Variants in OLA1 observed in about 807,000 individuals in gnomAD.
OLA1 encodes Obg like ATPase 1.
A neutral mutation model predicts 48.4 loss-of-function variants in OLA1; 14 were observed. That is an observed-to-expected ratio of 0.29 (90% CI 0.19 to 0.45). The LOEUF (loss-of-function observed/expected upper bound fraction) is 0.45. OLA1 is among the 20% of genes least tolerant of loss of function. The pLI is 1.00. For missense variants in OLA1, 325 were observed against 467.1 expected, an observed-to-expected ratio of 0.70 and a Z score of 2.80; for synonymous variants, 127 against 150.4, an observed-to-expected ratio of 0.84 and a Z score of 1.14.
chr2:174,126,671 G>A (rs1412337007), intron 5 of OLA1, among the ~76,000 whole-genome samples: 1 of 152,164 alleles, frequency 6.6e-6, no homozygotes, highest in Non-Finnish European at 1.5e-5. Flanking sequence ...CTCCTAGGGA[G>A]TGTTGTGAAG....
At chr2:174,182,014 G>A (rs941066226) in intron 4 of OLA1, among the ~76,000 whole-genome samples, 1 of 152,144 alleles carries the variant, frequency 6.6e-6, no homozygotes, top group Non-Finnish European at 1.5e-5. Context: ...GGAAAAGAGG[G>A]AGGTAATTCT....
At chr2:174,170,378 A>G (rs1292453397) in intron 4 of OLA1, among the ~76,000 whole-genome samples, 2 of 152,274 alleles carry the variant, frequency 1.3e-5, no homozygotes, top group African/African-American at 2.4e-5. Flanking sequence ...GGAATCCAAG[A>G]TGAATATTAA....
intron 4 of OLA1, among the ~76,000 whole-genome samples, chr2:174,220,130 T>C (rs1688466637): frequency 6.6e-6 from 1 of 152,162 alleles, no homozygotes; most frequent in Admixed American, 6.5e-5. Context: ...AGACTCCATC[T>C]CAAATAAATA....
At chr2:174,226,163 C>T (rs960971501) in intron 3 of OLA1, among the ~76,000 whole-genome samples, 3 of 37,676 alleles carry the variant, frequency 8.0e-5, no homozygotes, top group Non-Finnish European at 1.6e-4. Flanking sequence ...CCCGCCACTG[C>T]ACTCCAGCCT....
chr2:174,113,350 G>C (rs1685700730), intron 7 of OLA1, among the ~76,000 whole-genome samples: 1 of 152,082 alleles, frequency 6.6e-6, no homozygotes, highest in Admixed American at 6.5e-5. Context: ...GTATGTTTTT[G>C]GGGGGTTTAT....
intron 3 of OLA1, among the ~76,000 whole-genome samples, chr2:174,225,719 T>C (rs1221165279): frequency 1.3e-5 from 2 of 152,176 alleles, no homozygotes; most frequent in African/African-American, 4.8e-5. Context: ...GTACAGTAAG[T>C]AGCATGCATT....
chr2:174,075,253 TG>T lies in OLA1; in HGVS notation c.*172del, dbSNP rs58281097. On this transcript the variant is annotated 3_prime_UTR_variant, in exon 11 of 11. Transcript: ENST00000284719. ...TCACATTTAGTGAACCTGCATTTCATGGGGGGGGGGGGGTACACAGTATTTT... is the reference window on the plus strand; with the variant it reads ...TCACATTTAGTGAACCTGCATTTCATGGGGGGGGGGGGTACACAGTATTTT... The T allele has an allele frequency of 0.12, 37,419 of 307,044 alleles. 230 individuals are homozygous for T. The highest frequency in any genetic ancestry group is 0.14 in the African/African-American group (3,259 of 23,644). 19.0% of individuals were successfully genotyped at this position (307,044 alleles called of 1,614,324 possible).
intron 4 of OLA1, among the ~76,000 whole-genome samples, chr2:174,180,469 G>A (rs140748907): frequency 2.7e-4 from 41 of 152,310 alleles, no homozygotes; most frequent in African/African-American, 8.7e-4. Flanking sequence ...TAGCAAAAGT[G>A]TAGTTACCAC....
intron 7 of OLA1, among the ~76,000 whole-genome samples, chr2:174,120,024 A>G (rs1334997088): frequency 1.3e-5 from 2 of 151,992 alleles, no homozygotes; most frequent in Non-Finnish European, 2.9e-5. Flanking sequence ...GTTGAACATA[A>G]ATATGTAGTA....
At chr2:174,192,180 A>T (rs547420521) in intron 4 of OLA1, among the ~76,000 whole-genome samples, 4 of 152,288 alleles carry the variant, frequency 2.6e-5, no homozygotes, top group African/African-American at 9.6e-5. Context: ...ATTTTTCATT[A>T]ATCTGAGTCC....
At chr2:174,110,733 C>A (rs1022230748) in intron 7 of OLA1, among the ~76,000 whole-genome samples, 4 of 152,120 alleles carry the variant, frequency 2.6e-5, no homozygotes, top group Non-Finnish European at 5.9e-5. Flanking sequence ...AGGCGCATGC[C>A]ACTGTGTCTG....
chr2:174,230,869 G>A (rs1688713551), intron 2 of OLA1, among the ~76,000 whole-genome samples: 1 of 152,192 alleles, frequency 6.6e-6, no homozygotes, highest in African/African-American at 2.4e-5. Context: ...TCTGTTTGAA[G>A]GGTCTGGGAT....
chr2:174,081,441 T>G (rs1464823945), intron 8 of OLA1, among the ~76,000 whole-genome samples, 193 bp from the exon 9 acceptor site: 2 of 152,148 alleles, frequency 1.3e-5, no homozygotes, highest in East Asian at 3.8e-4. Context: ...AAAATTGGTT[T>G]TAATTGTATT....
rs571500193 is a variant in OLA1 at position 174,133,349 on chromosome 2, T to G, written c.549+8476A>C. Among the ~76,000 whole-genome samples the G allele has an allele frequency of 2.0e-5, 3 of 152,258 alleles. No individual in the cohort carries two copies. In the South Asian group the frequency reaches 6.2e-4, roughly 32 times the overall value. ...TTTACTGGGTTATTAGTGCTTTTTG[T>G]TTTGACATACAATATTTTCTTTTCT... is the stretch of plus-strand genomic sequence containing the variant. On this transcript the variant is annotated intron_variant, in intron 5 of 10. Transcript: ENST00000284719.
At position 174,163,747 on chromosome 2, in the gene OLA1, TATATATATATATATATATATATA is replaced by T. The variant is rs1558984564; in HGVS notation, c.374-21770_374-21748del. Among the ~76,000 whole-genome samples, 21 of 42,400 alleles carry T rather than the reference TATATATATATATATATATATATA, an allele frequency of 5.0e-4. 1 individual carries two copies. Among genetic ancestry groups the T allele is most frequent in the Non-Finnish European group, 7.5e-4 (16 of 21,452 alleles). The allele number at this position is 42,400 out of a possible 152,430, so 27.8% of individuals were successfully genotyped here. ...ATATATATATATATATATATATATA[TATATATATATATATATATATATA>T]TATATAAATAAATGTTTGGGTGCCT... On this transcript the variant is annotated intron_variant, in intron 4 of 10. Transcript: ENST00000284719.
At chr2:174,189,846 TTATAA>T (rs1297690152) in intron 4 of OLA1, among the ~76,000 whole-genome samples, 1 of 140,958 alleles carries the variant, frequency 7.1e-6, no homozygotes, top group African/African-American at 2.7e-5. Context: ...CCTTGTGGCA[TTATAA>T]TATAATCAGA....
At chr2:174,208,929 A>G (rs1427001088) in intron 4 of OLA1, among the ~76,000 whole-genome samples, 1 of 152,112 alleles carries the variant, frequency 6.6e-6, no homozygotes, top group Admixed American at 6.5e-5. Context: ...TCAACTCTAT[A>G]CTCATGTCTA....
intron 5 of OLA1, among the ~76,000 whole-genome samples, chr2:174,125,357 T>G (rs1449468126): frequency 4.6e-5 from 7 of 152,264 alleles, no homozygotes; most frequent in Non-Finnish European, 1.0e-4. Flanking sequence ...AGAGTCCTCT[T>G]TAATGGCTCC....
rs891859283 is a variant in OLA1, at chr2:174,200,758, CT to C, written c.373+22274del. On this transcript the variant is annotated intron_variant, in intron 4 of 10. Transcript: ENST00000284719. ...ATCCAAAGAAAACATCAATATAATT[CT>C]TTTTTTTTTAATCCCATCCACATCT... Among the ~76,000 whole-genome samples the C allele has an allele frequency of 1.0e-4, 15 of 149,800 alleles. No individual in the cohort carries two copies. The South Asian group carries it at 1.7e-3, about 17-fold the overall frequency.
Sources: gnomAD v4.1 joint callset for allele counts (sites outside exome capture counted in the v4.1 genomes callset) on GRCh38, gnomAD v4.1.1 for gene constraint, MANE v1.5 for transcripts, NCBI Gene and HGNC (gene_info 2026-07-23, HGNC 2026-07-21) for gene names.